AFF3: variants seen among roughly 807,000 people sequenced by gnomAD.
AFF3 encodes the protein AF4/FMR2 family member 3.
In AFF3, 32 loss-of-function variants were observed where a neutral mutation model predicts 129.7. The observed-to-expected ratio is 0.25, with a 90% CI of 0.19 to 0.33. AFF3 has a LOEUF of 0.33. Ranked by LOEUF, AFF3 falls within the 10% of genes least tolerant of loss-of-function variation. The pLI is 1.00. For missense variants in AFF3, 1,373 were observed against 1,592.0 expected, an observed-to-expected ratio of 0.86 and a Z score of 2.34; for synonymous variants, 644 against 635.4, an observed-to-expected ratio of 1.01 and a Z score of -0.20.
chr2:100,043,224 A>G (rs1301190573), intron 4 of AFF3, among the ~76,000 whole-genome samples: 1 of 152,176 alleles, frequency 6.6e-6, no homozygotes, highest in African/African-American at 2.4e-5. Flanking sequence ...GATTACTCCT[A>G]TGGAGCTGCC....
intron 7 of AFF3, 35 bp downstream of exon 7, chr2:100,006,597 G>T: frequency 1.3e-6 from 2 of 1,563,144 alleles, no homozygotes; most frequent in Non-Finnish European, 8.7e-7. Flanking sequence ...TTGTAACTAT[G>T]CAGTTGCATG....
chr2:99,821,648 G>C (rs949301843), intron 8 of AFF3, among the ~76,000 whole-genome samples: 2 of 152,190 alleles, frequency 1.3e-5, no homozygotes, highest in African/African-American at 4.8e-5. Flanking sequence ...ATCGCTCCTT[G>C]TCATTCTCAA....
chr2:100,114,573 G>T (rs552595319), intron 2 of AFF3, among the ~76,000 whole-genome samples: 4 of 151,972 alleles, frequency 2.6e-5, no homozygotes, highest in African/African-American at 9.7e-5. Flanking sequence ...GTAGAAACAG[G>T]GTTTCACCAT....
chr2:99,587,403 A>G, intron 15 of AFF3, 125 bp from the exon 16 acceptor site: 6 of 1,114,088 alleles, frequency 5.4e-6, no homozygotes, highest in Non-Finnish European at 7.7e-6. Context: ...CCCGAAGCAC[A>G]GCCTGAGCAG....
chr2:99,632,261 C>T (rs756710959), intron 13 of AFF3, among the ~76,000 whole-genome samples: 11 of 152,154 alleles, frequency 7.2e-5, no homozygotes, highest in Admixed American at 3.9e-4. Context: ...GTGATCTGCC[C>T]GCTTCGGCCT....
At chr2:100,015,245 T>G (rs1682914703) in intron 4 of AFF3, among the ~76,000 whole-genome samples, 1 of 152,154 alleles carries the variant, frequency 6.6e-6, no homozygotes, top group East Asian at 1.9e-4. Flanking sequence ...TTGGAGCAAA[T>G]GCATGAAGAG....
chr2:99,807,284 G>C (rs769788495), intron 8 of AFF3, among the ~76,000 whole-genome samples: 1 of 152,154 alleles, frequency 6.6e-6, no homozygotes, highest in Non-Finnish European at 1.5e-5. Flanking sequence ...TGGTGGGTGG[G>C]TTGCTGCATG....
At chr2:99,780,609 G>A (rs1684327394) in intron 8 of AFF3, among the ~76,000 whole-genome samples, 1 of 152,150 alleles carries the variant, frequency 6.6e-6, no homozygotes, top group South Asian at 2.1e-4. Flanking sequence ...AACCCTAAGT[G>A]TACACATTTA....
intron 11 of AFF3, among the ~76,000 whole-genome samples, chr2:99,676,859 G>A (rs1673984589): frequency 1.3e-5 from 2 of 152,266 alleles, no homozygotes; most frequent in African/African-American, 2.4e-5. Context: ...CCCAGTGCAC[G>A]GAGAGGTCTG....
At chr2:99,848,115 T>A (rs898871091) in intron 7 of AFF3, among the ~76,000 whole-genome samples, 1 of 151,868 alleles carries the variant, frequency 6.6e-6, no homozygotes, top group Admixed American at 6.6e-5. Flanking sequence ...CAGGGCATGG[T>A]GGTGTGTGCC....
intron 12 of AFF3, among the ~76,000 whole-genome samples, chr2:99,655,116 T>C (rs914929668): frequency 6.7e-6 from 1 of 148,480 alleles, no homozygotes; most frequent in Non-Finnish European, 1.5e-5. Context: ...GTACCTACTA[T>C]GTGCAAGCAC....
intron 2 of AFF3, among the ~76,000 whole-genome samples, 167 bp downstream of exon 2, chr2:100,129,057 T>C (rs1358512061): frequency 1.3e-5 from 2 of 152,186 alleles, no homozygotes; most frequent in African/African-American, 4.8e-5. Flanking sequence ...TCAGTTCCCC[T>C]GGTTTCATCA....
rs556668465 is a variant in AFF3 at position 99,587,377 on chromosome 2, C to T, written c.2467-99G>A. The T allele has an allele frequency of 2.1e-6, 3 of 1,455,864 alleles. No homozygotes were observed. The African/African-American group carries it at 4.2e-5, about 20-fold the overall frequency. The allele number at this position is 1,455,864 out of a possible 1,614,324, so 90.2% of individuals were successfully genotyped here. Reference sequence around the variant, plus strand: ...CACAGAGCAAGGCCTCCTGGGAGCCCCACTCACCTGGCTTCCCCGAAGCAC... The same window carrying T: ...CACAGAGCAAGGCCTCCTGGGAGCCTCACTCACCTGGCTTCCCCGAAGCAC... On this transcript the variant is annotated intron_variant, in intron 15 of 24. Coordinates refer to ENST00000672756, the MANE Select transcript of AFF3 (RefSeq NM_001386135.1).
intron 7 of AFF3, among the ~76,000 whole-genome samples, chr2:99,837,880 G>A (rs762117438): frequency 2.0e-5 from 3 of 152,116 alleles, no homozygotes; most frequent in Non-Finnish European, 4.4e-5. Context: ...TGTGGCCTCC[G>A]CTACAACAGT....
chr2:100,134,046 A>G (rs1207381564), intron 1 of AFF3, among the ~76,000 whole-genome samples: 1 of 152,232 alleles, frequency 6.6e-6, no homozygotes, highest in Non-Finnish European at 1.5e-5. Flanking sequence ...CTGGACTAAT[A>G]TGGTACAATT....
At chr2:99,754,994 C>T (rs1681971980) in intron 8 of AFF3, among the ~76,000 whole-genome samples, 1 of 151,990 alleles carries the variant, frequency 6.6e-6, no homozygotes. Flanking sequence ...TCAATCTTTC[C>T]ATTTCTTTCT....
chr2:99,766,694 C>T (rs1336047612), intron 8 of AFF3, among the ~76,000 whole-genome samples: 1 of 152,146 alleles, frequency 6.6e-6, no homozygotes, highest in Non-Finnish European at 1.5e-5. Flanking sequence ...ATGACAACTG[C>T]TTTTATTTGA....
intron 8 of AFF3, among the ~76,000 whole-genome samples, chr2:99,807,871 C>T (rs1442023344): frequency 6.6e-6 from 1 of 151,446 alleles, no homozygotes; most frequent in African/African-American, 2.5e-5. Context: ...CTCTGGCAGT[C>T]CCCGCTGGCT....
chr2:99,981,515 C>T (rs1260186625), intron 7 of AFF3, among the ~76,000 whole-genome samples: 1 of 152,082 alleles, frequency 6.6e-6, no homozygotes, highest in Non-Finnish European at 1.5e-5. Flanking sequence ...ATCTTGGTTC[C>T]CAATCCTTCA....
Sources: gnomAD v4.1 joint callset for allele counts (sites outside exome capture counted in the v4.1 genomes callset) on GRCh38, gnomAD v4.1.1 for gene constraint, MANE v1.5 for transcripts, NCBI Gene and HGNC (gene_info 2026-07-23, HGNC 2026-07-21) for gene names.